The following CSMD1 variants were observed in gnomAD, a reference collection of about 807,000 sequenced individuals.
CSMD1 encodes CUB and Sushi multiple domains 1.
A neutral mutation model predicts 417.5 loss-of-function variants in CSMD1; 213 were observed. The observed-to-expected ratio is 0.51, with a 90% CI of 0.46 to 0.57. CSMD1 has a LOEUF of 0.57. Among genes scored for constraint, CSMD1 ranks in the 20% least tolerant of loss-of-function variants. The probability of loss-of-function intolerance (pLI) is 0.00; values close to 1 mark genes in which losing one functional copy is unlikely to be tolerated. For missense variants in CSMD1, 6,923 were observed against 4,529.7 expected (o/e 1.53, Z -15.17); for synonymous variants, 2,862 against 1,736.8 (o/e 1.65, Z -16.11).
At chr8:3,891,075 A>G (rs1198035301) in intron 5 of CSMD1, among the ~76,000 whole-genome samples, 1 of 151,618 alleles carries the variant, frequency 6.6e-6, no homozygotes, top group Non-Finnish European at 1.5e-5. Context: ...TTGAGACAGG[A>G]TCTCACTCTG....
intron 5 of CSMD1, among the ~76,000 whole-genome samples, chr8:3,980,974 C>A (rs111522580): frequency 0.017 from 2,541 of 152,288 alleles, 71 homozygotes; most frequent in African/African-American, 0.059. Flanking sequence ...CCCTGCTCAC[C>A]TTTCCCCACC....
intron 2 of CSMD1, among the ~76,000 whole-genome samples, chr8:4,573,934 C>A (rs937095022): frequency 2.6e-5 from 4 of 152,148 alleles, no homozygotes; most frequent in African/African-American, 9.7e-5. Flanking sequence ...AGGGGGAAAC[C>A]ACCTACTCAA....
chr8:4,158,069 C>T (rs1317191242), intron 3 of CSMD1, among the ~76,000 whole-genome samples: 2 of 149,516 alleles, frequency 1.3e-5, no homozygotes, highest in Admixed American at 6.8e-5. Context: ...CCTGCTTCCC[C>T]ATTACAATAC....
chr8:3,163,146 T>A (rs908580647), intron 37 of CSMD1, among the ~76,000 whole-genome samples: 1 of 152,226 alleles, frequency 6.6e-6, no homozygotes, highest in Non-Finnish European at 1.5e-5. Flanking sequence ...ATTAATTTCA[T>A]TTAATTAAAA....
intron 16 of CSMD1, 24 bp from the exon 17 acceptor site, chr8:3,396,405 G>A: frequency 6.6e-7 from 1 of 1,507,968 alleles, no homozygotes; most frequent in Non-Finnish European, 8.9e-7. Flanking sequence ...CATCCCATCA[G>A]AAAAGACATG....
At chr8:3,908,540 G>A (rs1411412860) in intron 5 of CSMD1, among the ~76,000 whole-genome samples, 2 of 151,982 alleles carry the variant, frequency 1.3e-5, no homozygotes, top group African/African-American at 4.8e-5. Flanking sequence ...CTAACCTAAG[G>A]GAAACACTTT....
chr8:4,071,923 G>T (rs543843532), intron 3 of CSMD1, among the ~76,000 whole-genome samples: 1 of 152,262 alleles, frequency 6.6e-6, no homozygotes, highest in South Asian at 2.1e-4. Context: ...AAGAGTCAAA[G>T]TCTGGGCAGA....
intron 2 of CSMD1, among the ~76,000 whole-genome samples, chr8:4,443,788 C>A (rs928206989): frequency 6.6e-5 from 10 of 152,154 alleles, no homozygotes; most frequent in South Asian, 2.1e-4. Flanking sequence ...CAAGTGTGAT[C>A]TGTGTCATGT....
At chr8:3,572,391 A>G (rs1429206409) in intron 10 of CSMD1, among the ~76,000 whole-genome samples, 1 of 152,154 alleles carries the variant, frequency 6.6e-6, no homozygotes, top group Non-Finnish European at 1.5e-5. Flanking sequence ...AGGGGCTTGG[A>G]GCAACCTCAT....
chr8:3,534,927 G>A (rs1240647065), intron 10 of CSMD1, among the ~76,000 whole-genome samples: 2 of 152,058 alleles, frequency 1.3e-5, no homozygotes, highest in Admixed American at 6.5e-5. Context: ...AGATAGCCAG[G>A]GTTACTGTAA....
chr8:4,098,176 T>G (rs1801122823), intron 3 of CSMD1, among the ~76,000 whole-genome samples: 1 of 152,152 alleles, frequency 6.6e-6, no homozygotes, highest in South Asian at 2.1e-4. Flanking sequence ...TTTTGCAGCT[T>G]TAGAATAAAG....
chr8:4,120,635 G>T (rs1257312478), intron 3 of CSMD1, among the ~76,000 whole-genome samples: 3 of 152,322 alleles, frequency 2.0e-5, no homozygotes, highest in Non-Finnish European at 4.4e-5. Context: ...ACCTGCCACT[G>T]GCCTTCTCTA....
At chr8:4,965,118 C>T (rs1809774670) in intron 1 of CSMD1, among the ~76,000 whole-genome samples, 1 of 152,170 alleles carries the variant, frequency 6.6e-6, no homozygotes, top group Non-Finnish European at 1.5e-5. Flanking sequence ...TGAATATGCA[C>T]ATCTGTTCTG....
In CSMD1 at chr8:4,508,520, G is replaced by A. The variant is rs936878945; in HGVS notation, c.303-88455C>T. Among the ~76,000 whole-genome samples the A allele has an allele frequency of 4.6e-5, 7 of 152,058 alleles. No homozygotes were observed. In the East Asian group the frequency reaches 7.7e-4, roughly 17 times the overall value. Reference sequence around the variant, plus strand: ...TTCTTTTTAATAAAATCATCCAAACGTTATAAATTTGCAAGATGAAGTTTA... The same window carrying A: ...TTCTTTTTAATAAAATCATCCAAACATTATAAATTTGCAAGATGAAGTTTA... On this transcript the variant is annotated intron_variant, in intron 2 of 69. Transcript: ENST00000635120.
chr8:4,104,947 G>C lies in CSMD1; in HGVS notation c.416-72848C>G, dbSNP rs80081524. On this transcript the variant is annotated intron_variant, in intron 3 of 69. Coordinates refer to ENST00000635120, the MANE Select transcript of CSMD1 (RefSeq NM_033225.6). Reference sequence around the variant, plus strand: ...ACACAACAGTAGTTTAAACATGCTTGCTCACAGCCACTGCCAATTCGATCA... The same window carrying C: ...ACACAACAGTAGTTTAAACATGCTTCCTCACAGCCACTGCCAATTCGATCA... 6.5e-3 allele frequency among the ~76,000 whole-genome samples: 988 copies of C among 152,032 alleles called. 12 individuals carry two copies. Among genetic ancestry groups the C allele is most frequent in the African/African-American group, 0.023 (949 of 41,454 alleles).
intron 10 of CSMD1, among the ~76,000 whole-genome samples, chr8:3,510,821 C>A (rs1797033635): frequency 6.6e-6 from 1 of 151,832 alleles, no homozygotes; most frequent in South Asian, 2.1e-4. Flanking sequence ...TGAGAAGTAT[C>A]TGTTCATATC....
At chr8:4,376,971 G>A (rs895027428) in intron 3 of CSMD1, among the ~76,000 whole-genome samples, 2 of 152,172 alleles carry the variant, frequency 1.3e-5, no homozygotes, top group African/African-American at 4.8e-5. Context: ...CACAGGTGCT[G>A]AGCACCAGCA....
At chr8:3,114,377 A>G (rs1816726480) in intron 42 of CSMD1, among the ~76,000 whole-genome samples, 1 of 151,444 alleles carries the variant, frequency 6.6e-6, no homozygotes, top group African/African-American at 2.4e-5. Flanking sequence ...ATATGAAAGA[A>G]ATTCCATATT....
intron 5 of CSMD1, among the ~76,000 whole-genome samples, chr8:3,827,887 T>G (rs1026315910): frequency 6.6e-6 from 1 of 152,176 alleles, no homozygotes; most frequent in African/African-American, 2.4e-5. Flanking sequence ...TTCATCCCCA[T>G]GGGCTCACTC....
Sources: allele counts gnomAD v4.1 joint callset (sites outside exome capture counted in the v4.1 genomes callset), GRCh38; gene constraint gnomAD v4.1.1; transcripts MANE v1.5; gene names NCBI Gene and HGNC (gene_info 2026-07-23, HGNC 2026-07-21).